LTBP4: variants seen among roughly 807,000 people sequenced by gnomAD.
LTBP4 encodes latent-transforming growth factor beta-binding protein 4.
In LTBP4, 93 loss-of-function variants were observed where a neutral mutation model predicts 180.2. That is an observed-to-expected ratio of 0.52 (90% CI 0.44 to 0.61). LTBP4 has a LOEUF of 0.61. LTBP4 is among the 20% of genes least tolerant of loss of function. LTBP4 has a pLI of 0.00. For missense variants in LTBP4, 2,116 were observed against 2,256.5 expected, an observed-to-expected ratio of 0.94 and a Z score of 1.26; for synonymous variants, 947 against 934.5, an observed-to-expected ratio of 1.01 and a Z score of -0.24.
At chr19:40,614,771 C>A (rs941216726) in intron 19 of LTBP4, among the ~76,000 whole-genome samples, 2 of 150,054 alleles carry the variant, frequency 1.3e-5, no homozygotes, top group African/African-American at 2.5e-5. Flanking sequence ...TGGATTAAAA[C>A]CCCCTCTTCA....
At chr19:40,625,304 ATATATATATATATT>A (rs1568414597) in intron 26 of LTBP4, among the ~76,000 whole-genome samples, 10 of 13,648 alleles carry the variant, frequency 7.3e-4, no homozygotes, top group Non-Finnish European at 1.2e-3. Flanking sequence ...ATATATATAT[ATATATATATATATT>A]TTTTTTTTTA....
At chr19:40,600,084 G>A, upstream of LTBP4, 2 of 1,263,700 alleles carry the variant, frequency 1.6e-6, no homozygotes, top group Non-Finnish European at 2.0e-6. The surrounding 1 kb of genome is among the most constrained non-coding windows in gnomAD (Gnocchi z 4.4). Context: ...GGAGGCCAGA[G>A]CTCTACTGAA....
chr19:40,609,728 C>T lies in LTBP4; in HGVS notation c.1559-18C>T. On this transcript the variant is annotated intron_variant, in intron 10 of 29. Coordinates refer to ENST00000396819, the MANE Select transcript of LTBP4 (RefSeq NM_001042545.2). This position sits in a 1 kb window ranked among gnomAD's most constrained non-coding sequence, Gnocchi z 4.9. ...CTTTGCCTGGTCACCTTGTCACCAG[C>T]CCCCTCCGTGTCCTCAGATGTGGAC... The T allele has an allele frequency of 6.2e-7, 1 of 1,611,328 alleles. No individual in the cohort carries two copies. The highest frequency in any genetic ancestry group is 8.5e-7 in the Non-Finnish European group (1 of 1,178,286).
chr19:40,601,693 G>A, intron 1 of LTBP4, 56 bp downstream of exon 1: 1 of 1,233,138 alleles, frequency 8.1e-7, no homozygotes. Context: ...GAGGATCCCT[G>A]GGGATGGAGG....
upstream of LTBP4, among the ~76,000 whole-genome samples, chr19:40,597,988 C>T (rs1051553434): frequency 1.3e-5 from 2 of 152,042 alleles, no homozygotes; most frequent in Non-Finnish European, 2.9e-5. Flanking sequence ...TTAGAGGACT[C>T]TGGGATTGAA....
Position 40,622,487 on chromosome 19 carries a change from A to G in LTBP4, c.3304A>G (p.Ser1102Gly). The change falls in exon 23 of 30, where the codon AGC (serine) becomes GGC (glycine). Residue 1102 changes from serine (S) to glycine (G), a missense_variant. Ser to Gly is a moderately conservative substitution (Grantham distance 56). Coordinates refer to ENST00000396819, the MANE Select transcript of LTBP4 (RefSeq NM_001042545.2). This position sits in a 1 kb window ranked among gnomAD's most constrained non-coding sequence, Gnocchi z 5.1. ...PPPPPLPRRP[S>G]TPRQGPVGSG... The stretch of plus-strand genomic sequence containing the variant: ...TCCGCCACCCCTGCCCCGCCGACCC[A>G]GCACACCTAGGCAGGGCCCTGTGGG... 1 of 1,611,908 alleles carries G rather than the reference A, an allele frequency of 6.2e-7. No individual in the cohort carries two copies. The highest frequency in any genetic ancestry group is 1.7e-5 in the Admixed American group (1 of 59,896).
chr19:40,602,349 T>C (rs1449304015), intron 1 of LTBP4, among the ~76,000 whole-genome samples: 3 of 149,388 alleles, frequency 2.0e-5, no homozygotes, highest in African/African-American at 7.4e-5. Context: ...CCTTGGGGGT[T>C]CAGGTGAGGT....
At position 40,611,361 on chromosome 19, in the gene LTBP4, T is replaced by A; in HGVS notation, c.2020T>A (p.Phe674Ile). The change falls in exon 13 of 30, where the codon TTC becomes ATC. Residue 674 changes from phenylalanine to isoleucine, a missense_variant. Phe to Ile is a conservative substitution (Grantham distance 21). Transcript: ENST00000396819. This position sits in a 1 kb window ranked among gnomAD's most constrained non-coding sequence, Gnocchi z 4.4. ...CTTTCACTGTGCCTGCCCTGCTGGC[T>A]TCCGCTCCCGAGGGCCCGGGGCCCC... ...GSFHCACPAGFRSRGPGAPCQ... is the reference protein window; with the variant it reads ...GSFHCACPAGIRSRGPGAPCQ... 1 of 1,608,562 alleles carries A rather than the reference T, an allele frequency of 6.2e-7. No homozygotes were observed. The highest frequency in any genetic ancestry group is 8.5e-7 in the Non-Finnish European group (1 of 1,178,242).
In LTBP4 at chr19:40,627,806, T is replaced by C. The variant is rs1425500139; in HGVS notation, c.4468T>C (p.Cys1490Arg). 1.9e-6 allele frequency: 3 copies of C among 1,572,748 alleles called. No individual in the cohort carries two copies. Among genetic ancestry groups the C allele is most frequent in the Non-Finnish European group, 1.7e-6 (2 of 1,163,958 alleles). The change falls in exon 29 of 30, where the codon TGC becomes CGC. Residue 1490 changes from cysteine (C) to arginine (R), a missense_variant. By Grantham distance (180) the Cys-to-Arg change is radical (BLOSUM62 -3). Transcript: ENST00000396819. ...RCVRVPEGFT[C>R]RCFDGYRLDM... ...CGTGCGCGTCCCCGAAGGCTTCACC[T>C]GCCGTTGCTTCGACGGCTACCGCCT... is the stretch of plus-strand genomic sequence containing the variant.
rs1476656910 is a variant in LTBP4 at position 40,623,637 on chromosome 19, T to C, written c.3590T>C (p.Val1197Ala). The C allele has an allele frequency of 1.2e-6, 2 of 1,613,732 alleles. No individual in the cohort carries two copies. The highest frequency in any genetic ancestry group is 2.2e-5 in the South Asian group (2 of 91,072). The change falls in exon 25 of 30, where the codon GTG (valine) becomes GCG (alanine). Residue 1197 changes from valine to alanine, a missense_variant. Coordinates refer to ENST00000396819, the MANE Select transcript of LTBP4 (RefSeq NM_001042545.2). ...GAATGTCAGCTCTTCCGAGACCAGG[T>C]GTGCAAGAGTGGCGTGTGTGTGAAC... ...VDECQLFRDQ[V>A]CKSGVCVNTA...
rs1944372825 is a variant in LTBP4 at position 40,627,045 on chromosome 19, A to G, written c.4056A>G (p.Gly1352=). ...AYSPPRPGGF[G]LPYEYGPDLG... ...GCCCCCCGCGACCAGGTGGCTTTGG[A>G]CTCCCCTACGAGTACGGCCCAGACT... The change falls in exon 28 of 30, where the codon GGA becomes GGG. Residue 1352 remains glycine (G), a synonymous_variant. Coordinates refer to ENST00000396819, the MANE Select transcript of LTBP4 (RefSeq NM_001042545.2). 1.2e-6 allele frequency: 2 copies of G among 1,608,748 alleles called. No individual in the cohort carries two copies. Among genetic ancestry groups the G allele is most frequent in the African/African-American group, 1.3e-5 (1 of 74,228 alleles).
chr19:40,612,035 A>G (rs1158573894), intron 14 of LTBP4, 38 bp from the exon 15 acceptor site: 5 of 1,611,732 alleles, frequency 3.1e-6, no homozygotes, highest in Admixed American at 1.7e-5. Flanking sequence ...GGGGAGTTGG[A>G]CCACTTCTTC....
In LTBP4 at chr19:40,629,637, G is replaced by C. The variant is rs887090158; in HGVS notation, c.*87G>C. On this transcript the variant is annotated 3_prime_UTR_variant, in exon 30 of 30. Coordinates refer to ENST00000396819, the MANE Select transcript of LTBP4 (RefSeq NM_001042545.2). This position sits in a 1 kb window ranked among gnomAD's most constrained non-coding sequence, Gnocchi z 4.5. ...GCAGCCCGCTTATGCGTATGTGCAC[G>C]GGGCCGCCCGCCTGGACCTGGAGAA... 9 of 1,254,074 alleles carry C rather than the reference G, an allele frequency of 7.2e-6. No homozygotes were observed. Among genetic ancestry groups the C allele is most frequent in the Non-Finnish European group, 8.1e-6 (8 of 987,344 alleles). The allele number at this position is 1,254,074 out of a possible 1,614,324, so 77.7% of individuals were successfully genotyped here.
At chr19:40,625,300 A>T (rs947829300) in intron 26 of LTBP4, among the ~76,000 whole-genome samples, 1,506 of 11,410 alleles carry the variant, frequency 0.13, 284 homozygotes, top group African/African-American at 0.38. Context: ...ATATATATAT[A>T]TATATATATA....
intron 19 of LTBP4, among the ~76,000 whole-genome samples, chr19:40,616,549 A>G (rs1350567715): frequency 6.6e-6 from 1 of 152,162 alleles, no homozygotes; most frequent in East Asian, 1.9e-4. Context: ...TCTGGTCAAC[A>G]TGGTGAAATC....
intron 25 of LTBP4, 53 bp from the exon 26 acceptor site, chr19:40,623,883 G>C: frequency 1.2e-6 from 2 of 1,605,434 alleles, no homozygotes; most frequent in South Asian, 2.2e-5. Flanking sequence ...GAAGAGAAAT[G>C]GGAAAGGGTG....
chr19:40,613,701 A>C lies in LTBP4; in HGVS notation c.2557+172A>C. The C allele has an allele frequency of 8.1e-7, 1 of 1,237,564 alleles. No homozygotes were observed. The highest frequency in any genetic ancestry group is 1.3e-5 in the South Asian group (1 of 75,514). 76.7% of individuals were successfully genotyped at this position (1,237,564 alleles called of 1,614,324 possible). A position where few individuals can be genotyped will look rare whatever the true frequency, so the allele number is the denominator to read the frequency against. On this transcript the variant is annotated intron_variant, in intron 17 of 29. Coordinates refer to ENST00000396819, the MANE Select transcript of LTBP4 (RefSeq NM_001042545.2). This position sits in a 1 kb window ranked among gnomAD's most constrained non-coding sequence, Gnocchi z 5.0. ...GGCAGTGAGGGGGGGCGGGGCGTGG[A>C]GATGAAAGGGCCGAGTCTGGGTATT...
intron 21 of LTBP4, among the ~76,000 whole-genome samples, chr19:40,617,639 G>A (rs1599872629): frequency 8.0e-6 from 1 of 125,414 alleles, no homozygotes. Context: ...GTGAGACCCT[G>A]TCTCAAAAAA....
chr19:40,600,427 G>A (rs1188122301), upstream of LTBP4, among the ~76,000 whole-genome samples: 2 of 152,208 alleles, frequency 1.3e-5, no homozygotes, highest in Non-Finnish European at 2.9e-5. This position sits in a 1 kb window ranked among gnomAD's most constrained non-coding sequence, Gnocchi z 4.4. Flanking sequence ...CGGGCTCCCC[G>A]CGGCCGAAGA....
Sources: allele counts gnomAD v4.1 joint callset (sites outside exome capture counted in the v4.1 genomes callset), GRCh38; gene constraint gnomAD v4.1.1; non-coding constraint Gnocchi (gnomAD v3.1); transcripts MANE v1.5; gene names NCBI Gene and HGNC (gene_info 2026-07-23, HGNC 2026-07-21).